Variants in DCHS2 observed in about 807,000 individuals in gnomAD.
DCHS2 encodes dachsous cadherin-related 2.
DCHS2 carries 142 observed loss-of-function variants against 182.4 expected under a neutral mutation model. The observed-to-expected ratio is 0.78, with a 90% CI of 0.68 to 0.89. DCHS2 has a LOEUF of 0.89. Among genes scored for constraint, DCHS2 ranks in the 40% least tolerant of loss-of-function variants. DCHS2 has a pLI of 0.00. For synonymous variants in DCHS2, 1,740 were observed against 1,663.3 expected, an observed-to-expected ratio of 1.05 and a Z score of -1.12; for missense variants, 4,319 against 4,198.6, an observed-to-expected ratio of 1.03 and a Z score of -0.79.
rs1261518794 is a variant in DCHS2 at position 154,320,648 on chromosome 4, A to T, written c.4751T>A (p.Ile1584Asn). ...CTGATCAGATGCTGTTACTGTCAGG[A>T]TGACAGTTGGAATGCTTTCTCTGTC... ...RLDRESIPTV[I>N]LTVTASDQAV... Residue 1584 changes from isoleucine to asparagine, a missense_variant, in exon 9 of 20, where the codon ATC becomes AAC. Physicochemically the swap from Ile to Asn is moderately radical, Grantham distance 149 (BLOSUM62 -3). Transcript: ENST00000357232. The T allele has an allele frequency of 8.1e-6, 13 of 1,614,160 alleles. No homozygotes were observed. Among genetic ancestry groups the T allele is most frequent in the Non-Finnish European group, 1.1e-5 (13 of 1,180,018 alleles).
At chr4:154,356,270 A>G (rs1602306) in intron 3 of DCHS2, among the ~76,000 whole-genome samples, 1 of 152,204 alleles carries the variant, frequency 6.6e-6, no homozygotes, top group African/African-American at 2.4e-5. Flanking sequence ...TAAGGATACA[A>G]AGAAAGAAAA....
In DCHS2 at chr4:154,242,687, T is replaced by A. The variant is rs199862892; in HGVS notation, c.7027A>T (p.Asn2343Tyr). 8.1e-6 allele frequency: 13 copies of A among 1,612,952 alleles called. No homozygotes were observed. The highest frequency in any genetic ancestry group is 1.1e-5 in the Non-Finnish European group (13 of 1,179,404). Residue 2343 changes from asparagine (N) to tyrosine (Y), a missense_variant, in exon 17 of 20, where the codon AAT becomes TAT. Asn to Tyr is a moderately radical substitution (Grantham distance 143). Transcript: ENST00000357232. ...TCAGAGGGGAGAAAAGCTGGGGCAT[T>A]GTCATTTATATCAGTCACCTGTACC... ...IKVQVTDIND[N>Y]APAFLPSEAV...
intron 1 of DCHS2, among the ~76,000 whole-genome samples, chr4:154,421,296 C>T (rs1733097886): frequency 6.6e-6 from 1 of 152,112 alleles, no homozygotes; most frequent in South Asian, 2.1e-4. Flanking sequence ...CTTCATTAAG[C>T]ATCGAAATAC....
chr4:154,425,784 GCA>G (rs1733300052), intron 1 of DCHS2, among the ~76,000 whole-genome samples: 1 of 152,216 alleles, frequency 6.6e-6, no homozygotes, highest in East Asian at 1.9e-4. Context: ...TTCTCAGTGT[GCA>G]CACCACAGAC....
At position 154,346,343 on chromosome 4, in the gene DCHS2, G is replaced by T. The variant is rs147874991; in HGVS notation, c.2477-11239C>A. Among the ~76,000 whole-genome samples the T allele has an allele frequency of 9.2e-5, 14 of 152,278 alleles. No individual in the cohort carries two copies. In the East Asian group the frequency reaches 2.7e-3, roughly 29 times the overall value. On this transcript the variant is annotated intron_variant, in intron 3 of 19. Transcript: ENST00000357232. The stretch of plus-strand genomic sequence containing the variant: ...GAACGGAACAGACAGCCCCTACAAA[G>T]ATGCTAGTCTACTTAAGTGGCAGTT...
At chr4:154,409,915 T>A (rs771963332) in intron 1 of DCHS2, among the ~76,000 whole-genome samples, 14 of 152,220 alleles carry the variant, frequency 9.2e-5, no homozygotes, top group Non-Finnish European at 2.1e-4. Flanking sequence ...CTGACATTGA[T>A]TGCAGCTGAA....
chr4:154,293,446 T>C (rs1200231592), intron 13 of DCHS2, among the ~76,000 whole-genome samples: 1 of 152,124 alleles, frequency 6.6e-6, no homozygotes, highest in Non-Finnish European at 1.5e-5. Flanking sequence ...CTTCCCAAAA[T>C]GCTGGGATTA....
intron 1 of DCHS2, among the ~76,000 whole-genome samples, chr4:154,421,482 C>T (rs557482675): frequency 1.3e-5 from 2 of 152,206 alleles, no homozygotes; most frequent in South Asian, 4.2e-4. Context: ...GCAACCTCTG[C>T]CTCCGTGGTT....
Position 154,333,396 on chromosome 4 carries a change from G to A in DCHS2, c.2812C>T (p.Leu938=), listed in dbSNP as rs751523776. Residue 938 remains leucine, a synonymous_variant, in exon 5 of 20, where the codon CTG becomes TTG. Coordinates refer to ENST00000357232, the MANE Select transcript of DCHS2 (RefSeq NM_001358235.2). ...ACCACGGGCTGCGTCTCGTGATCCA[G>A]GGGCTTCCGGGTGCGAATAGTGCCC... ...RLGTIRTRKP[L]DHETQPVVVL... 1.2e-6 allele frequency: 2 copies of A among 1,614,132 alleles called. No individual in the cohort carries two copies. Among genetic ancestry groups the A allele is most frequent in the African/African-American group, 1.3e-5 (1 of 75,032 alleles).
At chr4:154,356,119 C>T (rs1442107433) in intron 3 of DCHS2, among the ~76,000 whole-genome samples, 1 of 151,998 alleles carries the variant, frequency 6.6e-6, no homozygotes, top group East Asian at 1.9e-4. Flanking sequence ...TTCCAGCGGA[C>T]AAGATGTGGA....
At chr4:154,322,611 A>G (rs776108242) in intron 7 of DCHS2, 123 bp from the exon 8 acceptor site, 3 of 1,261,460 alleles carry the variant, frequency 2.4e-6, no homozygotes, top group African/African-American at 1.5e-5. Flanking sequence ...GAGAGTATGA[A>G]CACAAAAATG....
chr4:154,255,785 A>G, intron 15 of DCHS2, 115 bp from the exon 16 acceptor site: 1 of 1,385,656 alleles, frequency 7.2e-7, no homozygotes, highest in Non-Finnish European at 9.4e-7. Flanking sequence ...TATTTTAAAA[A>G]CAACGATGAA....
intron 1 of DCHS2, among the ~76,000 whole-genome samples, chr4:154,404,814 T>C (rs577342185): frequency 3.5e-4 from 54 of 152,328 alleles, no homozygotes; most frequent in Non-Finnish European, 6.2e-4. Flanking sequence ...GTCTACTTCA[T>C]CTGAAAAGAC....
intron 15 of DCHS2, among the ~76,000 whole-genome samples, chr4:154,257,065 T>C (rs1026373440): frequency 3.9e-5 from 6 of 152,116 alleles, no homozygotes; most frequent in African/African-American, 1.4e-4. Context: ...CTGGCCAACA[T>C]GGTGAAACCC....
At position 154,332,847 on chromosome 4, in the gene DCHS2, TA is replaced by T. The variant is rs1728516675; in HGVS notation, c.3360del (p.Arg1121GlyfsTer8). On this transcript the variant is annotated frameshift_variant, in exon 5 of 20. Coordinates refer to ENST00000357232, the MANE Select transcript of DCHS2 (RefSeq NM_001358235.2). LOFTEE classifies it high-confidence loss of function. ...TCTACGCTGGGTTCCAGCGAGTACC[TA>T]AGAGGCGAGGCTGCACGCTGGGGGC... ...PLGPQRAASP[L>X]RYSLEPSVDS... is the part of the protein sequence containing the mutation. 6.2e-7 allele frequency: 1 copy of T among 1,614,046 alleles called. No individual in the cohort carries two copies. The highest frequency in any genetic ancestry group is 1.7e-5 in the Admixed American group (1 of 60,008).
At position 154,333,001 on chromosome 4, in the gene DCHS2, C is replaced by A; in HGVS notation, c.3207G>T (p.Leu1069=). The A allele has an allele frequency of 6.2e-7, 1 of 1,614,144 alleles. No individual in the cohort carries two copies. Among genetic ancestry groups the A allele is most frequent in the Non-Finnish European group, 8.5e-7 (1 of 1,180,000 alleles). ...GTTCGCGTTTCTCGATAACGACTGT[C>A]AGCACCAGCAGGGCTGCCTGAGGAT... ...GVHPQAALLV[L]TVVIEKREHS... Residue 1069 remains leucine (L), a synonymous_variant, in exon 5 of 20, where the codon CTG becomes CTT. Transcript: ENST00000357232.
intron 1 of DCHS2, among the ~76,000 whole-genome samples, chr4:154,424,693 T>C (rs1053046063): frequency 2.0e-5 from 3 of 152,206 alleles, no homozygotes; most frequent in Admixed American, 2.0e-4. Context: ...AGAAACCTTA[T>C]AGGGTCTCAG....
At chr4:154,263,753 C>A (rs1482109913) in intron 14 of DCHS2, among the ~76,000 whole-genome samples, 2 of 150,576 alleles carry the variant, frequency 1.3e-5, no homozygotes, top group Non-Finnish European at 1.5e-5. Flanking sequence ...CTGAAATTTG[C>A]TGAAGTGTTT....
At chr4:154,429,136 C>T (rs999236919) in intron 1 of DCHS2, among the ~76,000 whole-genome samples, 2 of 152,128 alleles carry the variant, frequency 1.3e-5, no homozygotes, top group Admixed American at 1.3e-4. Flanking sequence ...GAGGGGATAT[C>T]GTTTAATGTC....
Sources: gnomAD v4.1 joint callset for allele counts (sites outside exome capture counted in the v4.1 genomes callset) on GRCh38, gnomAD v4.1.1 for gene constraint, MANE v1.5 for transcripts, NCBI Gene and HGNC (gene_info 2026-07-23, HGNC 2026-07-21) for gene names.